The following MALRD1 variants were observed in gnomAD, a reference collection of about 807,000 sequenced individuals.
The protein encoded by MALRD1 is MAM and LDL-receptor class A domain-containing protein 1.
In MALRD1, 247 loss-of-function variants were observed where a neutral mutation model predicts 242.1. The ratio of observed to expected loss-of-function variants is 1.02; its 90% CI spans 0.92 to 1.13. The LOEUF (loss-of-function observed/expected upper bound fraction) is 1.13, where lower values mean the gene tolerates loss of function less well. Among genes scored for constraint, MALRD1 ranks in the 50% most tolerant of loss-of-function variants. The probability of loss-of-function intolerance (pLI) is 0.00; values close to 1 mark genes in which losing one functional copy is unlikely to be tolerated. For synonymous variants in MALRD1, 995 were observed against 866.6 expected (o/e 1.15, Z -2.60); for missense variants, 2,989 against 2,533.1 (o/e 1.18, Z -3.86).
At chr10:19,135,218 G>T (rs1434516929) in intron 9 of MALRD1, among the ~76,000 whole-genome samples, 1 of 152,108 alleles carries the variant, frequency 6.6e-6, no homozygotes, top group Non-Finnish European at 1.5e-5. Context: ...GCAGTGATGG[G>T]ATTTTGTCTC....
At chr10:19,203,920 C>T (rs1202142328) in intron 15 of MALRD1, 40 bp downstream of exon 15, 8 of 1,548,328 alleles carry the variant, frequency 5.2e-6, no homozygotes, top group East Asian at 4.9e-5. Context: ...CTGCTATTTA[C>T]TGTTTAGTTA....
intron 38 of MALRD1, among the ~76,000 whole-genome samples, chr10:19,700,708 C>T (rs1833583129): frequency 3.3e-5 from 5 of 152,108 alleles, no homozygotes; most frequent in Admixed American, 3.3e-4. Context: ...CTTCTGATTT[C>T]CGTAATCTCC....
chr10:19,297,191 T>C (rs1277318553), intron 21 of MALRD1, among the ~76,000 whole-genome samples: 1 of 151,492 alleles, frequency 6.6e-6, no homozygotes, highest in Non-Finnish European at 1.5e-5. Context: ...AAGTAAACAA[T>C]AAAATTAAAT....
chr10:19,056,429 G>A (rs904371019), intron 1 of MALRD1, among the ~76,000 whole-genome samples: 1 of 151,620 alleles, frequency 6.6e-6, no homozygotes, highest in African/African-American at 2.4e-5. Context: ...TTATATCTAA[G>A]TATTATACTT....
intron 36 of MALRD1, among the ~76,000 whole-genome samples, chr10:19,619,171 A>C (rs1839297410): frequency 6.6e-6 from 1 of 151,686 alleles, no homozygotes. Context: ...GCTTTGGATA[A>C]ACTGATCCTT....
At chr10:19,610,405 T>C (rs967677205) in intron 35 of MALRD1, among the ~76,000 whole-genome samples, 1 of 151,936 alleles carries the variant, frequency 6.6e-6, no homozygotes, top group Non-Finnish European at 1.5e-5. Flanking sequence ...GTAAGCACTG[T>C]TCTGTTCTCT....
At chr10:19,148,596 T>C (rs1389732116) in intron 11 of MALRD1, among the ~76,000 whole-genome samples, 1 of 151,776 alleles carries the variant, frequency 6.6e-6, no homozygotes, top group Non-Finnish European at 1.5e-5. Context: ...TAACTATGAT[T>C]TGCATTAAAA....
chr10:19,235,586 G>GCCC (rs756634456), intron 18 of MALRD1, among the ~76,000 whole-genome samples: 2 of 76,188 alleles, frequency 2.6e-5, no homozygotes, highest in African/African-American at 8.3e-5. Flanking sequence ...CACAGAGAGA[G>GCCC]AGAGAGAGAG....
intron 36 of MALRD1, among the ~76,000 whole-genome samples, chr10:19,632,165 T>TTA (rs1353102525): frequency 6.6e-6 from 1 of 151,866 alleles, no homozygotes; most frequent in East Asian, 1.9e-4. Context: ...AGACAAGGAG[T>TTA]AGACCTTGGT....
intron 33 of MALRD1, among the ~76,000 whole-genome samples, chr10:19,592,233 G>A (rs1837828066): frequency 6.6e-6 from 1 of 152,222 alleles, no homozygotes; most frequent in Admixed American, 6.5e-5. Context: ...CCCTGCAAAG[G>A]AGGGGAGGAA....
chr10:19,155,866 G>T (rs556416205), intron 12 of MALRD1, among the ~76,000 whole-genome samples: 8 of 152,228 alleles, frequency 5.3e-5, no homozygotes, highest in Admixed American at 1.3e-4. Flanking sequence ...TACATAGTAG[G>T]TAAACAATGT....
intron 16 of MALRD1, 123 bp from the exon 17 acceptor site, chr10:19,204,775 G>C: frequency 9.4e-7 from 1 of 1,061,858 alleles, no homozygotes; most frequent in Admixed American, 2.9e-5. Flanking sequence ...GTTATTGCGG[G>C]AAAGAAAAGC....
chr10:19,631,309 G>T lies in MALRD1; in HGVS notation c.6137+15386G>T, dbSNP rs376449933. 5.3e-5 allele frequency among the ~76,000 whole-genome samples: 8 copies of T among 152,230 alleles called. No individual in the cohort carries two copies. The East Asian group carries it at 9.6e-4, about 18-fold the overall frequency. On this transcript the variant is annotated intron_variant, in intron 36 of 39. Coordinates refer to ENST00000454679, the MANE Select transcript of MALRD1 (RefSeq NM_001142308.3). ...GGCCTCCAGCTCCATCCATGTTCTT[G>T]TAAAGGACATAATCTCTTTGTTTTT...
intron 31 of MALRD1, among the ~76,000 whole-genome samples, chr10:19,513,478 G>A (rs369788524): frequency 1.4e-5 from 2 of 148,022 alleles, no homozygotes; most frequent in East Asian, 2.0e-4. Context: ...GGTGGCTCAC[G>A]CCTGTAATCT....
chr10:19,571,107 G>A (rs1836513505), intron 33 of MALRD1, among the ~76,000 whole-genome samples: 1 of 152,056 alleles, frequency 6.6e-6, no homozygotes, highest in Admixed American at 6.5e-5. Flanking sequence ...ACTCATATCT[G>A]TGAAACTTTG....
chr10:19,510,738 G>T (rs1833365669), intron 31 of MALRD1, among the ~76,000 whole-genome samples: 1 of 152,200 alleles, frequency 6.6e-6, no homozygotes, highest in Non-Finnish European at 1.5e-5. Flanking sequence ...CACAGTAACA[G>T]TCTGATCTCT....
intron 33 of MALRD1, among the ~76,000 whole-genome samples, chr10:19,581,106 A>T (rs537345846): frequency 6.6e-6 from 1 of 152,224 alleles, no homozygotes; most frequent in Non-Finnish European, 1.5e-5. Flanking sequence ...TTATGGAGAC[A>T]TAAGCACAAA....
At chr10:19,332,813 G>A (rs1843439333) in intron 24 of MALRD1, among the ~76,000 whole-genome samples, 1 of 152,170 alleles carries the variant, frequency 6.6e-6, no homozygotes. Flanking sequence ...CAACAAGAGT[G>A]CCTTAGGTTT....
In MALRD1 at chr10:19,387,673, C is replaced by T. The variant is rs544359730; in HGVS notation, c.4587C>T (p.Gly1529=). ...SSCTFEKGWC[G]WQNSQADNFD... The stretch of plus-strand genomic sequence containing the variant: ...GTACTTTTGAAAAAGGCTGGTGTGG[C>T]TGGCAAAACTCCCAGGCTGACAACT... Residue 1529 remains glycine (G), a synonymous_variant, in exon 27 of 40, where the codon GGC becomes GGT. Coordinates refer to ENST00000454679, the MANE Select transcript of MALRD1 (RefSeq NM_001142308.3). 1.3e-6 allele frequency: 2 copies of T among 1,550,306 alleles called. No individual in the cohort carries two copies. Among genetic ancestry groups the T allele is most frequent in the Non-Finnish European group, 1.7e-6 (2 of 1,146,858 alleles).
Sources: allele counts gnomAD v4.1 joint callset (sites outside exome capture counted in the v4.1 genomes callset), GRCh38; gene constraint gnomAD v4.1.1; transcripts MANE v1.5; gene names NCBI Gene and HGNC (gene_info 2026-07-23, HGNC 2026-07-21).